FBXO25: variants seen among roughly 807,000 people sequenced by gnomAD.
FBXO25 encodes F-box only protein 25.
FBXO25 carries 45 observed loss-of-function variants against 51.9 expected under a neutral mutation model. The observed-to-expected ratio is 0.87, with a 90% CI of 0.68 to 1.11. The LOEUF (loss-of-function observed/expected upper bound fraction) is 1.11, where lower values mean the gene tolerates loss of function less well. Ranked by LOEUF, FBXO25 falls within the 50% of genes most tolerant of loss-of-function variation. The probability of loss-of-function intolerance (pLI) is 0.00; values close to 1 mark genes in which losing one functional copy is unlikely to be tolerated. For missense variants in FBXO25, 507 were observed against 428.5 expected, an observed-to-expected ratio of 1.18 and a Z score of -1.62; for synonymous variants, 199 against 151.0, an observed-to-expected ratio of 1.32 and a Z score of -2.33.
At chr8:462,724 A>G (rs1799893137) in intron 8 of FBXO25, among the ~76,000 whole-genome samples, 1 of 152,180 alleles carries the variant, frequency 6.6e-6, no homozygotes, top group Admixed American at 6.6e-5. Flanking sequence ...AGAGAGGTAT[A>G]ATACACATTG....
At chr8:448,877 G>A (rs1382485566) in intron 5 of FBXO25, among the ~76,000 whole-genome samples, 2 of 152,180 alleles carry the variant, frequency 1.3e-5, no homozygotes, top group South Asian at 2.1e-4. Flanking sequence ...TGAGGATTCC[G>A]AAGGAGAGGG....
Position 476,942 on chromosome 8 carries a change from A to G in FBXO25, c.*8138A>G, listed in dbSNP as rs1358801341. On this transcript the variant is annotated 3_prime_UTR_variant, in exon 10 of 10. Transcript: ENST00000350302. Reference sequence around the variant, plus strand: ...TTTAATAGGTGTATTTACAGTTACAAATTTCCCTCCTACCACTGCTTTGAC... The same window carrying G: ...TTTAATAGGTGTATTTACAGTTACAGATTTCCCTCCTACCACTGCTTTGAC... 2 of 152,158 alleles carry G rather than the reference A, an allele frequency of 1.3e-5. No individual in the cohort carries two copies. Among genetic ancestry groups the G allele is most frequent in the East Asian group, 1.9e-4 (1 of 5,178 alleles). The allele number at this position is 152,158 out of a possible 1,614,324, so 9.4% of individuals were successfully genotyped here.
intron 1 of FBXO25, among the ~76,000 whole-genome samples, chr8:412,318 G>A (rs925450188): frequency 9.9e-5 from 15 of 152,166 alleles, no homozygotes; most frequent in African/African-American, 3.6e-4. Context: ...TCCTCCTCAC[G>A]TTTCCAGACA....
Position 476,395 on chromosome 8 carries a change from A to C in FBXO25, c.*7591A>C, listed in dbSNP as rs920123681. On this transcript the variant is annotated 3_prime_UTR_variant, in exon 10 of 10. Coordinates refer to ENST00000350302, the MANE Select transcript of FBXO25 (RefSeq NM_183420.2). ...TGATGGCCTCATAGAATGCATTTGG[A>C]AGTGTCCTTTCCTCTTCAGTTTTTT... The C allele has an allele frequency of 6.6e-6, 1 of 152,088 alleles. No homozygotes were observed. 9.4% of individuals were successfully genotyped at this position (152,088 alleles called of 1,614,324 possible).
At chr8:410,168 A>G (rs189400899) in intron 1 of FBXO25, among the ~76,000 whole-genome samples, 55 of 152,286 alleles carry the variant, frequency 3.6e-4, no homozygotes, top group East Asian at 3.3e-3. Flanking sequence ...CTTTACCACA[A>G]GTTACAAGAT....
intron 5 of FBXO25, among the ~76,000 whole-genome samples, chr8:437,274 C>G (rs929790291): frequency 2.0e-5 from 3 of 152,236 alleles, no homozygotes; most frequent in Non-Finnish European, 4.4e-5. Context: ...ACCAACTAAG[C>G]TTACTTTGCA....
chr8:435,992 T>C (rs533791581), intron 5 of FBXO25, among the ~76,000 whole-genome samples: 2 of 152,316 alleles, frequency 1.3e-5, no homozygotes, highest in African/African-American at 4.8e-5. Flanking sequence ...CCCTTGGGGG[T>C]TGTACCACGT....
chr8:457,879 C>T (rs1312211509), intron 7 of FBXO25, among the ~76,000 whole-genome samples: 1 of 152,232 alleles, frequency 6.6e-6, no homozygotes, highest in Admixed American at 6.5e-5. Context: ...TGGTCAACCT[C>T]CCTCATCACT....
chr8:426,652 G>A (rs1169948138), intron 2 of FBXO25, among the ~76,000 whole-genome samples: 9 of 151,694 alleles, frequency 5.9e-5, no homozygotes, highest in African/African-American at 1.9e-4. Context: ...ATAGGTTTGC[G>A]GCCTCATCTG....
At chr8:408,596 C>A (rs1047915213) in intron 1 of FBXO25, among the ~76,000 whole-genome samples, 12 of 152,184 alleles carry the variant, frequency 7.9e-5, no homozygotes, top group Admixed American at 1.3e-4. Context: ...TAGAGTAATG[C>A]GTAGCCTATG....
chr8:458,664 T>G, intron 8 of FBXO25, 113 bp downstream of exon 8: 1 of 994,914 alleles, frequency 1.0e-6, no homozygotes, highest in South Asian at 1.7e-5. Flanking sequence ...TTTCTACTTT[T>G]AAAGAACCAG....
intron 2 of FBXO25, 104 bp downstream of exon 2, chr8:413,317 C>T (rs1412184532): frequency 6.6e-6 from 9 of 1,362,114 alleles, no homozygotes; most frequent in South Asian, 2.4e-5. Context: ...GAGACTTGCC[C>T]ACCCAGAAGG....
intron 2 of FBXO25, among the ~76,000 whole-genome samples, chr8:420,760 G>A (rs1322239358): frequency 6.6e-6 from 1 of 152,216 alleles, no homozygotes; most frequent in Admixed American, 6.5e-5. Context: ...ACAAATCAGT[G>A]GTTGCCAGGG....
chr8:424,143 G>A (rs1441243850), intron 2 of FBXO25, among the ~76,000 whole-genome samples: 1 of 139,258 alleles, frequency 7.2e-6, no homozygotes, highest in Non-Finnish European at 1.5e-5. Context: ...TTTTGAGACA[G>A]AGTCTCACTC....
At chr8:457,005 A>T (rs993106660) in intron 7 of FBXO25, among the ~76,000 whole-genome samples, 16 of 151,976 alleles carry the variant, frequency 1.1e-4, no homozygotes, top group African/African-American at 3.9e-4. Context: ...AGCCAAAAAT[A>T]GATGGTCACT....
At chr8:422,934 A>C (rs7836024) in intron 2 of FBXO25, among the ~76,000 whole-genome samples, 196 of 152,168 alleles carry the variant, frequency 1.3e-3, no homozygotes, top group African/African-American at 4.7e-3. Context: ...TTAAAAGTCT[A>C]TTCTGCTGTA....
intron 2 of FBXO25, among the ~76,000 whole-genome samples, chr8:419,044 A>G (rs913987598): frequency 2.6e-5 from 4 of 152,222 alleles, no homozygotes; most frequent in Non-Finnish European, 5.9e-5. Flanking sequence ...TTAAAAACTT[A>G]TACCTAAAGT....
At chr8:418,563 C>G (rs1001774036) in intron 2 of FBXO25, among the ~76,000 whole-genome samples, 1 of 152,054 alleles carries the variant, frequency 6.6e-6, no homozygotes, top group Non-Finnish European at 1.5e-5. Flanking sequence ...TGGTCTTGAT[C>G]TCTTGACCTC....
Position 474,993 on chromosome 8 carries a change from T to C in FBXO25, c.*6189T>C. ...ATGTACAGAAGTTGTTTCTTTCTTT[T>C]AGTTACCTGTGTGTGCCTCTGGTGT... On this transcript the variant is annotated 3_prime_UTR_variant, in exon 10 of 10. Transcript: ENST00000350302. 3 of 399,304 alleles carry C rather than the reference T, an allele frequency of 7.5e-6. No individual in the cohort carries two copies. The highest frequency in any genetic ancestry group is 1.9e-5 in the South Asian group (1 of 53,254). The allele number at this position is 399,304 out of a possible 1,614,324, so 24.7% of individuals were successfully genotyped here.
Sources: gnomAD v4.1 joint callset for allele counts (sites outside exome capture counted in the v4.1 genomes callset) on GRCh38, gnomAD v4.1.1 for gene constraint, MANE v1.5 for transcripts, NCBI Gene and HGNC (gene_info 2026-07-23, HGNC 2026-07-21) for gene names.